Variants in GRM7 observed in about 807,000 individuals in gnomAD.
GRM7 encodes metabotropic glutamate receptor 7.
In GRM7, 35 loss-of-function variants were observed where a neutral mutation model predicts 84.5. The ratio of observed to expected loss-of-function variants is 0.41; its 90% CI spans 0.32 to 0.55. The LOEUF (loss-of-function observed/expected upper bound fraction) is 0.55, where lower values mean the gene tolerates loss of function less well. Ranked by LOEUF, GRM7 falls within the 20% of genes least tolerant of loss-of-function variation. The pLI is 0.19. For missense variants in GRM7, 1,003 were observed against 1,194.6 expected (o/e 0.84, Z 2.36); for synonymous variants, 487 against 455.1 (o/e 1.07, Z -0.89).
chr3:7,161,870 C>G (rs1222001133), intron 2 of GRM7, among the ~76,000 whole-genome samples: 1 of 152,102 alleles, frequency 6.6e-6, no homozygotes, highest in African/African-American at 2.4e-5. Flanking sequence ...AAACGATGTC[C>G]TTTTATTTGT....
chr3:7,698,148 C>A (rs1184342280), intron 9 of GRM7, among the ~76,000 whole-genome samples: 1 of 152,060 alleles, frequency 6.6e-6, no homozygotes, highest in Non-Finnish European at 1.5e-5. Context: ...TTGACTTATG[C>A]CAGATGTATG....
At chr3:7,257,004 G>T (rs1304241142) in intron 2 of GRM7, among the ~76,000 whole-genome samples, 5 of 152,356 alleles carry the variant, frequency 3.3e-5, no homozygotes, top group Middle Eastern at 3.4e-3. Context: ...ATCTGCTTAA[G>T]CCAAGGCTCA....
At chr3:7,463,862 A>G (rs776472284) in intron 7 of GRM7, among the ~76,000 whole-genome samples, 6 of 152,218 alleles carry the variant, frequency 3.9e-5, no homozygotes, top group Non-Finnish European at 8.8e-5. Flanking sequence ...TTTAAAAGCC[A>G]CTAAGAAGTA....
intron 1 of GRM7, among the ~76,000 whole-genome samples, chr3:7,113,536 C>A (rs1050117061): frequency 1.5e-4 from 23 of 152,126 alleles, no homozygotes; most frequent in Non-Finnish European, 3.2e-4. Flanking sequence ...AGGCATGACT[C>A]TTGATGAACT....
At chr3:7,432,345 G>A (rs1308065471) in intron 5 of GRM7, among the ~76,000 whole-genome samples, 3 of 152,164 alleles carry the variant, frequency 2.0e-5, no homozygotes, top group Non-Finnish European at 2.9e-5. Flanking sequence ...TTTGGAAACC[G>A]ATTCTTGCTC....
intron 1 of GRM7, among the ~76,000 whole-genome samples, chr3:6,970,941 G>A (rs972667943): frequency 3.3e-5 from 5 of 151,890 alleles, no homozygotes; most frequent in East Asian, 3.9e-4. Flanking sequence ...AAGATCGTAC[G>A]ACTACACTCC....
chr3:7,615,336 C>T (rs1263118046), intron 8 of GRM7, among the ~76,000 whole-genome samples: 6 of 152,038 alleles, frequency 3.9e-5, no homozygotes, highest in African/African-American at 1.2e-4. Flanking sequence ...TACTGGGACT[C>T]GAAGTTTAGG....
intron 4 of GRM7, among the ~76,000 whole-genome samples, chr3:7,381,131 C>A (rs1281833330): frequency 1.3e-5 from 2 of 152,070 alleles, no homozygotes; most frequent in Non-Finnish European, 2.9e-5. Flanking sequence ...TGAGTATCAT[C>A]TACTTCCTTG....
chr3:7,219,667 T>G (rs566834125), intron 2 of GRM7, among the ~76,000 whole-genome samples: 9 of 152,184 alleles, frequency 5.9e-5, no homozygotes, highest in Admixed American at 2.0e-4. Context: ...TTTGTGTGCA[T>G]GGGTTAGTGT....
At chr3:7,590,584 C>T (rs984811124) in intron 8 of GRM7, among the ~76,000 whole-genome samples, 3 of 152,168 alleles carry the variant, frequency 2.0e-5, no homozygotes, top group African/African-American at 7.2e-5. Flanking sequence ...CCAATTTCTT[C>T]TCATCCTTGC....
rs549535788 is a variant in GRM7, at chr3:7,364,886, C to T, written c.1034-50137C>T. Among the ~76,000 whole-genome samples the T allele has an allele frequency of 1.8e-3, 279 of 151,834 alleles. 1 individual carries two copies. Among genetic ancestry groups the T allele is most frequent in the African/African-American group, 6.4e-3 (265 of 41,480 alleles). ...ATTAACCCACATGATAATAAATTTC[C>T]TTGCTCATCATTCCTTTTTGCATCC... On this transcript the variant is annotated intron_variant, in intron 4 of 9. Coordinates refer to ENST00000357716, the MANE Select transcript of GRM7 (RefSeq NM_000844.4).
intron 1 of GRM7, among the ~76,000 whole-genome samples, chr3:6,970,738 G>A (rs1188962594): frequency 1.3e-5 from 2 of 152,180 alleles, no homozygotes; most frequent in Non-Finnish European, 2.9e-5. Flanking sequence ...CCAGCACTTT[G>A]GGAGGCCGAG....
At chr3:7,628,795 C>T (rs932627434) in intron 8 of GRM7, among the ~76,000 whole-genome samples, 6 of 152,108 alleles carry the variant, frequency 3.9e-5, no homozygotes, top group Non-Finnish European at 8.8e-5. Context: ...GCCCAGGTCT[C>T]AGCAGCCATA....
intron 1 of GRM7, chr3:6,956,604 T>G: frequency 2.2e-6 from 1 of 456,758 alleles, no homozygotes; most frequent in Non-Finnish European, 4.4e-6. Context: ...TTCCCAATCC[T>G]AAACGTCCTT....
chr3:7,122,746 C>A (rs1271042554), intron 1 of GRM7, among the ~76,000 whole-genome samples: 1 of 152,178 alleles, frequency 6.6e-6, no homozygotes, highest in African/African-American at 2.4e-5. Flanking sequence ...CTGCATCTAG[C>A]ACATATTATT....
intron 4 of GRM7, among the ~76,000 whole-genome samples, chr3:7,321,508 T>C (rs2125053695): frequency 6.6e-6 from 1 of 152,156 alleles, no homozygotes; most frequent in Non-Finnish European, 1.5e-5. Context: ...TGCTGTGTGT[T>C]TTTTTCCCTG....
At chr3:7,085,931 A>G (rs1698441820) in intron 1 of GRM7, among the ~76,000 whole-genome samples, 1 of 151,600 alleles carries the variant, frequency 6.6e-6, no homozygotes. Flanking sequence ...TTGGTGATGT[A>G]TAGTTAATAA....
At chr3:7,491,576 C>G (rs898787639) in intron 7 of GRM7, among the ~76,000 whole-genome samples, 16 of 152,200 alleles carry the variant, frequency 1.1e-4, no homozygotes, top group African/African-American at 3.6e-4. Flanking sequence ...CTCTCATTGA[C>G]AAGGTGAGGG....
At chr3:7,582,389 AC>A (rs1695298654) in intron 8 of GRM7, among the ~76,000 whole-genome samples, 1 of 152,162 alleles carries the variant, frequency 6.6e-6, no homozygotes, top group Non-Finnish European at 1.5e-5. Flanking sequence ...ATCTTTATAC[AC>A]AGGCAGGGAG....
Sources: gnomAD v4.1 joint callset for allele counts (sites outside exome capture counted in the v4.1 genomes callset) on GRCh38, gnomAD v4.1.1 for gene constraint, MANE v1.5 for transcripts, NCBI Gene and HGNC (gene_info 2026-07-23, HGNC 2026-07-21) for gene names.